The following KDM4C variants were observed in gnomAD, a reference collection of about 807,000 sequenced individuals.
The protein encoded by KDM4C is lysine-specific demethylase 4C.
Under a neutral mutation model 129.3 loss-of-function variants are expected in KDM4C, and 81 were observed. The ratio of observed to expected loss-of-function variants is 0.63; its 90% CI spans 0.52 to 0.75. The LOEUF (loss-of-function observed/expected upper bound fraction) is 0.75, where lower values mean the gene tolerates loss of function less well. KDM4C is among the 30% of genes least tolerant of loss of function. KDM4C has a pLI of 0.00. For missense variants in KDM4C, 1,457 were observed against 1,304.0 expected, an observed-to-expected ratio of 1.12 and a Z score of -1.81; for synonymous variants, 573 against 456.1, an observed-to-expected ratio of 1.26 and a Z score of -3.26.
intron 17 of KDM4C, among the ~76,000 whole-genome samples, chr9:7,061,701 T>C (rs1354112319): frequency 6.6e-6 from 1 of 152,144 alleles, no homozygotes; most frequent in African/African-American, 2.4e-5. Flanking sequence ...TCCACTTTTT[T>C]CCCAATATCG....
chr9:7,116,285 G>A (rs1262581182), intron 18 of KDM4C, among the ~76,000 whole-genome samples: 1 of 152,044 alleles, frequency 6.6e-6, no homozygotes, highest in African/African-American at 2.4e-5. Context: ...TCAGGAATTA[G>A]AAGAAAATGC....
At chr9:6,800,693 C>A (rs1828776344) in intron 2 of KDM4C, among the ~76,000 whole-genome samples, 1 of 152,180 alleles carries the variant, frequency 6.6e-6, no homozygotes, top group African/African-American at 2.4e-5. Flanking sequence ...GTGGTGTGAT[C>A]TTGGCTCACT....
chr9:7,006,629 A>G (rs1821722872), intron 12 of KDM4C, among the ~76,000 whole-genome samples: 2 of 152,110 alleles, frequency 1.3e-5, no homozygotes. Context: ...TAATTGTACA[A>G]GCAGAAGTTG....
chr9:7,068,076 G>A (rs1004745816), intron 17 of KDM4C, among the ~76,000 whole-genome samples: 8 of 152,156 alleles, frequency 5.3e-5, no homozygotes, highest in Admixed American at 5.2e-4. Context: ...GATTACAGGC[G>A]TGAGCCACCG....
At chr9:6,926,600 A>G (rs1822604128) in intron 8 of KDM4C, among the ~76,000 whole-genome samples, 1 of 152,210 alleles carries the variant, frequency 6.6e-6, no homozygotes, top group African/African-American at 2.4e-5. Context: ...TTTCTGCCTC[A>G]TTCTTCACTC....
intron 8 of KDM4C, among the ~76,000 whole-genome samples, chr9:6,902,428 CAT>C (rs1045566713): frequency 6.6e-6 from 1 of 152,160 alleles, no homozygotes; most frequent in Non-Finnish European, 1.5e-5. Context: ...AAAAACCCAA[CAT>C]AATCACCTGG....
intron 4 of KDM4C, chr9:6,835,055 C>A: frequency 2.1e-6 from 2 of 959,558 alleles, no homozygotes; most frequent in Non-Finnish European, 3.4e-6. Context: ...AGCTTCACCA[C>A]CACGGCTGAG....
At chr9:7,039,532 G>A (rs1380672235) in intron 15 of KDM4C, among the ~76,000 whole-genome samples, 1 of 151,906 alleles carries the variant, frequency 6.6e-6, no homozygotes, top group Non-Finnish European at 1.5e-5. Context: ...CTGACCCCCA[G>A]TTCAGCTAAA....
intron 8 of KDM4C, among the ~76,000 whole-genome samples, chr9:6,938,452 T>C (rs1416128229): frequency 3.9e-5 from 6 of 152,298 alleles, no homozygotes; most frequent in Non-Finnish European, 8.8e-5. Flanking sequence ...TCTGGAATAG[T>C]AGTATAACAG....
chr9:7,141,000 A>G (rs1403624187), intron 19 of KDM4C, among the ~76,000 whole-genome samples: 2 of 152,224 alleles, frequency 1.3e-5, no homozygotes, highest in Admixed American at 6.5e-5. Flanking sequence ...GAGGTAAATC[A>G]TGAGCCTGGA....
intron 11 of KDM4C, among the ~76,000 whole-genome samples, chr9:6,989,906 C>T (rs1292779966): frequency 1.3e-5 from 2 of 151,692 alleles, no homozygotes; most frequent in Non-Finnish European, 2.9e-5. Flanking sequence ...TCCTGAGGAC[C>T]TGGGACCACA....
chr9:6,849,815 AAGGAAG>A, intron 5 of KDM4C, 115 bp downstream of exon 5: 2 of 854,202 alleles, frequency 2.3e-6, no homozygotes, highest in East Asian at 2.5e-5. Context: ...TGTGAGCTGT[AAGGAAG>A]TTTTTGACTG....
intron 1 of KDM4C, among the ~76,000 whole-genome samples, chr9:6,775,679 C>T (rs1004092132): frequency 2.6e-5 from 4 of 151,902 alleles, no homozygotes; most frequent in South Asian, 2.1e-4. Flanking sequence ...TTGGCCACCA[C>T]GCCTGGCTAA....
chr9:6,829,434 T>G (rs1834422924), intron 4 of KDM4C, among the ~76,000 whole-genome samples: 1 of 152,180 alleles, frequency 6.6e-6, no homozygotes, highest in Admixed American at 6.6e-5. Flanking sequence ...AACATGAAAC[T>G]CAGAGGTGAA....
intron 4 of KDM4C, among the ~76,000 whole-genome samples, chr9:6,845,390 T>G (rs1355088171): frequency 2.0e-5 from 3 of 152,122 alleles, no homozygotes; most frequent in African/African-American, 7.2e-5. Flanking sequence ...AATTTTAAAA[T>G]TTTTTGTAGA....
upstream of KDM4C, among the ~76,000 whole-genome samples, chr9:6,755,097 C>A (rs1818196890): frequency 6.6e-6 from 1 of 152,026 alleles, no homozygotes; most frequent in Admixed American, 6.6e-5. Context: ...TTAGGCCGGG[C>A]ATGGTGGCTC....
chr9:6,968,745 C>G (rs911022656), intron 8 of KDM4C, among the ~76,000 whole-genome samples: 1 of 152,094 alleles, frequency 6.6e-6, no homozygotes, highest in East Asian at 1.9e-4. Context: ...TCAGGTACTT[C>G]ATAATTTTAT....
intron 8 of KDM4C, among the ~76,000 whole-genome samples, chr9:6,944,009 T>G (rs1025005673): frequency 6.6e-6 from 1 of 152,194 alleles, no homozygotes; most frequent in Admixed American, 6.5e-5. Context: ...CGGGCCTATT[T>G]AAATGTAAAA....
At chr9:7,122,623 A>G (rs1839625986) in intron 18 of KDM4C, among the ~76,000 whole-genome samples, 1 of 152,220 alleles carries the variant, frequency 6.6e-6, no homozygotes. Context: ...CCTCATGAAT[A>G]TGGACATATG....
Sources: allele counts gnomAD v4.1 joint callset (sites outside exome capture counted in the v4.1 genomes callset), GRCh38; gene constraint gnomAD v4.1.1; transcripts MANE v1.5; gene names NCBI Gene and HGNC (gene_info 2026-07-23, HGNC 2026-07-21).